POLA1: variants seen among roughly 807,000 people sequenced by gnomAD.
POLA1 encodes DNA polymerase alpha 1, catalytic subunit.
Under a neutral mutation model 124.0 loss-of-function variants are expected in POLA1, and 15 were observed. The observed-to-expected ratio is 0.12, with a 90% CI of 0.08 to 0.19. The LOEUF (loss-of-function observed/expected upper bound fraction) is 0.19. Among genes scored for constraint, POLA1 ranks in the 10% least tolerant of loss-of-function variants. The pLI is 1.00. For missense variants in POLA1, 886 were observed against 1,103.4 expected (o/e 0.80, Z 2.79); for synonymous variants, 408 against 389.4 (o/e 1.05, Z -0.56).
At chrX:24,758,792 G>T (rs1241915037) in intron 26 of POLA1, among the ~76,000 whole-genome samples, 2 of 112,185 alleles carry the variant, frequency 1.8e-5, no homozygotes, top group Non-Finnish European at 3.8e-5. Context: ...CCATTCTTCT[G>T]CCTCAGCCTC....
chrX:24,804,657 T>C (rs1180214749), intron 26 of POLA1, among the ~76,000 whole-genome samples: 1 of 112,251 alleles, frequency 8.9e-6, no homozygotes, highest in Non-Finnish European at 1.9e-5. Flanking sequence ...TAAGTAATAC[T>C]ATAGTAGACA....
intron 26 of POLA1, among the ~76,000 whole-genome samples, chrX:24,757,334 A>G (rs1932652946): frequency 2.7e-5 from 3 of 110,884 alleles, no homozygotes. Context: ...TTCTTAGTAC[A>G]CATTAATAGT....
chrX:24,987,540 C>G (rs1383635257), intron 36 of POLA1, among the ~76,000 whole-genome samples: 1 of 112,245 alleles, frequency 8.9e-6, no homozygotes, highest in African/African-American at 3.2e-5. Flanking sequence ...GATCCGCTTA[C>G]ACTAAATGTA....
At chrX:24,812,429 T>A (rs1216903140) in intron 28 of POLA1, among the ~76,000 whole-genome samples, 2 of 111,676 alleles carry the variant, frequency 1.8e-5, no homozygotes, top group African/African-American at 6.5e-5. Flanking sequence ...TGGGATGATC[T>A]ATTATTGTCT....
At chrX:24,726,882 G>T in intron 13 of POLA1, 51 bp from the exon 14 acceptor site, 1 of 993,781 alleles carries the variant, frequency 1.0e-6, no homozygotes, top group African/African-American at 1.9e-5. Context: ...TTTGGAAAAT[G>T]CAAAGTAATA....
rs1569284172 is a variant in POLA1 at position 24,727,886 on chromosome X, A to G, written c.1636A>G (p.Met546Val). The G allele has an allele frequency of 1.7e-6, 2 of 1,210,323 alleles. No homozygotes were observed. Among genetic ancestry groups the G allele is most frequent in the Non-Finnish European group, 2.2e-6 (2 of 893,935 alleles). ...KDVSPPPLVV[M>V]AFSMKTMQNA... Reference sequence around the variant, plus strand: ...TGTCAGTCCACCACCGCTTGTCGTGATGGCTTTCAGCATGAAGACAATGCA... The same window carrying G: ...TGTCAGTCCACCACCGCTTGTCGTGGTGGCTTTCAGCATGAAGACAATGCA... Residue 546 changes from methionine (M) to valine (V), a missense_variant, in exon 15 of 37, where the codon ATG becomes GTG. Around this residue, in one of 7 missense-constraint regions of POLA1, gnomAD observed 337 missense variants for 402.8 expected, o/e 0.84. Coordinates refer to ENST00000379068, the MANE Select transcript of POLA1 (RefSeq NM_001330360.2).
chrX:24,707,478 T>A (rs1386595424), intron 4 of POLA1, among the ~76,000 whole-genome samples: 1 of 112,170 alleles, frequency 8.9e-6, no homozygotes, highest in Non-Finnish European at 1.9e-5. Flanking sequence ...GGAAGAGAGC[T>A]AGTCTTAGAA....
intron 16 of POLA1, 81 bp from the exon 17 acceptor site, chrX:24,733,674 G>T: frequency 4.0e-6 from 2 of 504,813 alleles, no homozygotes; most frequent in South Asian, 8.1e-5. Context: ...AGACAGTTTC[G>T]TTTGGAAACA....
At chrX:24,909,301 G>T (rs1454427375) in intron 35 of POLA1, among the ~76,000 whole-genome samples, 6 of 112,100 alleles carry the variant, frequency 5.4e-5, no homozygotes, top group Admixed American at 4.7e-4. Flanking sequence ...TAGACATGAA[G>T]TCCTTTCCCA....
intron 36 of POLA1, among the ~76,000 whole-genome samples, chrX:24,990,012 C>T (rs1226892481): frequency 1.8e-5 from 2 of 111,676 alleles, no homozygotes; most frequent in African/African-American, 3.3e-5. Flanking sequence ...TCAATGATGG[C>T]GCTTTTTAAA....
chrX:24,837,754 C>T (rs777755546), intron 32 of POLA1, among the ~76,000 whole-genome samples: 2 of 111,562 alleles, frequency 1.8e-5, no homozygotes, highest in East Asian at 5.6e-4. Context: ...AATTAGCTTC[C>T]CTCATAGATT....
At chrX:24,896,168 T>A (rs769397858) in intron 35 of POLA1, among the ~76,000 whole-genome samples, 2 of 111,713 alleles carry the variant, frequency 1.8e-5, no homozygotes, top group Non-Finnish European at 3.8e-5. Flanking sequence ...TTGGTTGTCA[T>A]AACTGGGGGT....
intron 32 of POLA1, among the ~76,000 whole-genome samples, chrX:24,835,095 TG>T (rs2046323840): frequency 9.2e-6 from 1 of 108,688 alleles, no homozygotes; most frequent in Admixed American, 9.8e-5. Context: ...TCACCCAGGC[TG>T]GAGTGCAGTG....
chrX:24,905,814 C>T (rs746706836), intron 35 of POLA1, among the ~76,000 whole-genome samples: 2 of 111,714 alleles, frequency 1.8e-5, no homozygotes, highest in East Asian at 2.8e-4. Context: ...CCACCTGCCT[C>T]GGCCTCCCAA....
In POLA1 at chrX:24,716,388, A is replaced by G; in HGVS notation, c.552A>G (p.Val184=). The G allele has an allele frequency of 8.5e-7, 1 of 1,177,824 alleles. No individual in the cohort carries two copies. Among genetic ancestry groups the G allele is most frequent in the South Asian group, 1.8e-5 (1 of 56,104 alleles). The change falls in exon 7 of 37, where the codon GTA becomes GTG. Residue 184 remains valine, a synonymous_variant. Transcript: ENST00000379068. Reference sequence around the variant, plus strand: ...CACCTCAAATAACTCCACCACCTGTAATGATACTGAAGAAGAAAAGATCCA... The same window carrying G: ...CACCTCAAATAACTCCACCACCTGTGATGATACTGAAGAAGAAAAGATCCA... ...TETPQITPPP[V]MILKKKRSIG...
intron 26 of POLA1, among the ~76,000 whole-genome samples, chrX:24,777,800 G>A (rs1943556609): frequency 8.9e-6 from 1 of 112,004 alleles, no homozygotes; most frequent in Admixed American, 9.4e-5. Flanking sequence ...AAGCATTTAA[G>A]CTTTTTTGTT....
chrX:24,956,876 G>T (rs2048112740), intron 36 of POLA1, among the ~76,000 whole-genome samples: 2 of 112,148 alleles, frequency 1.8e-5, no homozygotes, highest in South Asian at 7.4e-4. Flanking sequence ...TAAGAAAATA[G>T]GCAGTAAAAG....
In POLA1 at chrX:24,733,717, A is replaced by G. The variant is rs1388298737; in HGVS notation, c.1772-38A>G. ...TATGATTACCTGAAATTAGACTAAG[A>G]TGGGTGTTGGAATCTTTATTTTTTT... On this transcript the variant is annotated intron_variant, in intron 16 of 36. Transcript: ENST00000379068. The G allele has an allele frequency of 8.1e-6, 6 of 741,120 alleles. No individual in the cohort carries two copies. In the African/African-American group the frequency reaches 1.1e-4, roughly 13 times the overall value. 61.1% of individuals were successfully genotyped at this position (741,120 alleles called of 1,213,427 possible). A position where few individuals can be genotyped will look rare whatever the true frequency, so the allele number is the denominator to read the frequency against.
intron 34 of POLA1, among the ~76,000 whole-genome samples, chrX:24,887,072 C>T (rs1267977214): frequency 1.8e-5 from 2 of 112,173 alleles, no homozygotes; most frequent in Non-Finnish European, 3.8e-5. Context: ...CTTATACTTA[C>T]GCCTCTGTGG....
Sources: allele counts gnomAD v4.1 joint callset (sites outside exome capture counted in the v4.1 genomes callset), GRCh38; gene constraint gnomAD v4.1.1; regional missense constraint gnomAD v4.1.1; transcripts MANE v1.5; gene names NCBI Gene and HGNC (gene_info 2026-07-23, HGNC 2026-07-21).